CCNI2: variants seen among roughly 807,000 people sequenced by gnomAD.
CCNI2 encodes the protein cyclin-I2.
A neutral mutation model predicts 33.2 loss-of-function variants in CCNI2; 32 were observed. The ratio of observed to expected loss-of-function variants is 0.96; its 90% CI spans 0.73 to 1.30. The LOEUF (loss-of-function observed/expected upper bound fraction) is 1.30, where lower values mean the gene tolerates loss of function less well. Among genes scored for constraint, CCNI2 ranks in the 50% most tolerant of loss-of-function variants. The pLI is 0.00. For missense variants in CCNI2, 452 were observed against 486.2 expected (o/e 0.93, Z 0.66); for synonymous variants, 231 against 219.9 (o/e 1.05, Z -0.45).
At chr5:132,748,198 C>CG (rs753468537) in intron 1 of CCNI2, 149 bp from the exon 2 acceptor site, 304 of 1,163,318 alleles carry the variant, frequency 2.6e-4, no homozygotes, top group Non-Finnish European at 2.9e-4. Context: ...GCCGCTGCGC[C>CG]GGGGGGCGCT....
At chr5:132,755,601 G>A (rs987400071), downstream of CCNI2, among the ~76,000 whole-genome samples, 1 of 152,218 alleles carries the variant, frequency 6.6e-6, no homozygotes, top group African/African-American at 2.4e-5. Flanking sequence ...ATGAGGATTA[G>A]AGGAGTTAAT....
At chr5:132,751,914 A>G (rs1301305198) in intron 4 of CCNI2, 52 bp from the exon 5 acceptor site, 1 of 1,540,810 alleles carries the variant, frequency 6.5e-7, no homozygotes, top group Non-Finnish European at 8.8e-7. Flanking sequence ...GATCATTGAT[A>G]TAGGAAAAGT....
At chr5:132,748,594 C>A in intron 2 of CCNI2, 119 bp downstream of exon 2, 1 of 1,264,620 alleles carries the variant, frequency 7.9e-7, no homozygotes, top group Non-Finnish European at 1.1e-6. Flanking sequence ...TATAAACTAA[C>A]TTGCTCCGAG....
rs910100645 is a variant in CCNI2, at chr5:132,753,544, T to C, written c.*574T>C. 6.5e-6 allele frequency: 1 copy of C among 153,642 alleles called. No homozygotes were observed. The highest frequency in any genetic ancestry group is 1.9e-4 in the East Asian group (1 of 5,230). The allele number at this position is 153,642 out of a possible 1,614,324, so 9.5% of individuals were successfully genotyped here. On this transcript the variant is annotated 3_prime_UTR_variant, in exon 6 of 6. Transcript: ENST00000378731. ...CCATGGCTATGACTTATGTCTTCCCTTTACAAGGACTGGATTATAAAGTAT... is the reference window on the plus strand; with the variant it reads ...CCATGGCTATGACTTATGTCTTCCCCTTACAAGGACTGGATTATAAAGTAT...
rs1208047532 is a variant in CCNI2 at position 132,747,436 on chromosome 5, G to A, written c.-60G>A. The A allele has an allele frequency of 8.1e-6, 11 of 1,359,888 alleles. No homozygotes were observed. Among genetic ancestry groups the A allele is most frequent in the Non-Finnish European group, 9.5e-6 (10 of 1,056,802 alleles). 84.2% of individuals were successfully genotyped at this position (1,359,888 alleles called of 1,614,324 possible). ...GGCGCCCCAGGCTGCAGTGTTCCGG[G>A]AGCTGGGTTATAAAATGCCGGGTTA... On this transcript the variant is annotated 5_prime_UTR_variant, in exon 1 of 6. Transcript: ENST00000378731. The surrounding 1 kb of genome is among the most constrained non-coding windows in gnomAD (Gnocchi z 4.1).
downstream of CCNI2, among the ~76,000 whole-genome samples, chr5:132,755,530 C>T (rs1755247985): frequency 6.6e-6 from 1 of 152,180 alleles, no homozygotes; most frequent in Non-Finnish European, 1.5e-5. Context: ...TGGGTAATTA[C>T]TTAAACCTCT....
downstream of CCNI2, among the ~76,000 whole-genome samples, chr5:132,755,056 C>T (rs1370787138): frequency 6.6e-6 from 1 of 152,144 alleles, no homozygotes; most frequent in Admixed American, 6.5e-5. Flanking sequence ...CCTCCTCCCC[C>T]TGGCTTCCTG....
At chr5:132,748,258 C>T (rs1443660324) in intron 1 of CCNI2, 89 bp from the exon 2 acceptor site, 4 of 1,542,420 alleles carry the variant, frequency 2.6e-6, no homozygotes, top group Admixed American at 1.9e-5. Context: ...CCCCACCCCC[C>T]GCACCTTAAG....
At position 132,747,742 on chromosome 5, in the gene CCNI2, G is replaced by A; in HGVS notation, c.247G>A (p.Ala83Thr). ...CCCCGTGCGGCCCCGGCGCGGTACGGCGCCAGCCGGGAAAACCGCAGACGC... is the reference window on the plus strand; with the variant it reads ...CCCCGTGCGGCCCCGGCGCGGTACGACGCCAGCCGGGAAAACCGCAGACGC... ...AVPVRPRRGTAPAGKTADAVP... is the reference protein window; with the variant it reads ...AVPVRPRRGTTPAGKTADAVP... Residue 83 changes from alanine (A) to threonine (T), a missense_variant, in exon 1 of 6, where the codon GCG becomes ACG. Coordinates refer to ENST00000378731, the MANE Select transcript of CCNI2 (RefSeq NM_001039780.4). The surrounding 1 kb of genome is among the most constrained non-coding windows in gnomAD (Gnocchi z 4.1). The A allele has an allele frequency of 2.7e-6, 4 of 1,471,130 alleles. No individual in the cohort carries two copies. The highest frequency in any genetic ancestry group is 1.3e-5 in the South Asian group (1 of 76,274). The allele number at this position is 1,471,130 out of a possible 1,614,324, so 91.1% of individuals were successfully genotyped here.
intron 1 of CCNI2, 94 bp downstream of exon 1, chr5:132,748,018 G>A: frequency 1.6e-6 from 2 of 1,275,238 alleles, no homozygotes; most frequent in Non-Finnish European, 1.0e-6. Context: ...TGAAACTGGA[G>A]GCCGGGCCCT....
chr5:132,754,863 G>C (rs538173313), downstream of CCNI2, among the ~76,000 whole-genome samples: 11 of 152,194 alleles, frequency 7.2e-5, no homozygotes, highest in Non-Finnish European at 1.5e-4. Flanking sequence ...AAGGAATGAG[G>C]CTGAAGAAAA....
intron 4 of CCNI2, chr5:132,751,629 T>C (rs1171324957): frequency 8.2e-6 from 3 of 367,736 alleles, no homozygotes; most frequent in African/African-American, 2.1e-5. Context: ...TTTCGTCTTA[T>C]GATAAGCAGA....
At chr5:132,754,873 A>G (rs1203209845), downstream of CCNI2, among the ~76,000 whole-genome samples, 2 of 152,184 alleles carry the variant, frequency 1.3e-5, no homozygotes, top group African/African-American at 4.8e-5. Flanking sequence ...GCTGAAGAAA[A>G]TGGAGATGGA....
rs373676159 is a variant in CCNI2, at chr5:132,748,287, G to A, written c.430-60G>A. 3.1e-6 allele frequency: 5 copies of A among 1,595,476 alleles called. No individual in the cohort carries two copies. The African/African-American group carries it at 4.0e-5, about 13-fold the overall frequency. ...CCTTAAGCAGGAGGCTCCTGCTGCT[G>A]GGGGACCAGGAGTGGCCGCTAGCGA... On this transcript the variant is annotated intron_variant, in intron 1 of 5. Transcript: ENST00000378731.
Position 132,753,491 on chromosome 5 carries a change from G to T in CCNI2, c.*521G>T, listed in dbSNP as rs1755040829. The T allele has an allele frequency of 1.9e-5, 3 of 157,722 alleles. No individual in the cohort carries two copies. Among genetic ancestry groups the T allele is most frequent in the African/African-American group, 7.2e-5 (3 of 41,588 alleles). 9.8% of individuals were successfully genotyped at this position (157,722 alleles called of 1,614,324 possible). ...ACCCTGCCTGCCACTCCTCACATGG[G>T]ACAGTCTCTGCAGATGCATTTACCC... On this transcript the variant is annotated 3_prime_UTR_variant, in exon 6 of 6. Transcript: ENST00000378731.
In CCNI2 at chr5:132,754,111, G is replaced by T; in HGVS notation, c.*1141G>T. The T allele has an allele frequency of 2.9e-6, 1 of 344,126 alleles. No individual in the cohort carries two copies. Among genetic ancestry groups the T allele is most frequent in the Non-Finnish European group, 5.4e-6 (1 of 184,958 alleles). The allele number at this position is 344,126 out of a possible 1,614,324, so 21.3% of individuals were successfully genotyped here. A position where few individuals can be genotyped will look rare whatever the true frequency, so the allele number is the denominator to read the frequency against. ...TTAGTATACATCTGTATTTTTTCTTGACACACTTTTGCTTGTTGGTGCTTT... is the reference window on the plus strand; with the variant it reads ...TTAGTATACATCTGTATTTTTTCTTTACACACTTTTGCTTGTTGGTGCTTT... On this transcript the variant is annotated 3_prime_UTR_variant, in exon 6 of 6. Coordinates refer to ENST00000378731, the MANE Select transcript of CCNI2 (RefSeq NM_001039780.4).
In CCNI2 at chr5:132,747,568, C is replaced by T. The variant is rs544540912; in HGVS notation, c.73C>T (p.Arg25Cys). 34 of 1,495,790 alleles carry T rather than the reference C, an allele frequency of 2.3e-5. No homozygotes were observed. In the South Asian group the frequency reaches 3.9e-4, roughly 17 times the overall value. 92.7% of individuals were successfully genotyped at this position (1,495,790 alleles called of 1,614,324 possible). ...EVSAVQSPGG[R>C]PGAGLEETAL... ...CAGCGCCGTCCAGAGCCCAGGCGGG[C>T]GTCCCGGCGCCGGTCTGGAGGAAAC... Residue 25 changes from arginine to cysteine, a missense_variant, in exon 1 of 6, where the codon CGT becomes TGT. By Grantham distance (180) the Arg-to-Cys change is radical. Coordinates refer to ENST00000378731, the MANE Select transcript of CCNI2 (RefSeq NM_001039780.4). The surrounding 1 kb of genome is among the most constrained non-coding windows in gnomAD (Gnocchi z 4.1).
At chr5:132,755,409 ACTC>A (rs553817405), downstream of CCNI2, among the ~76,000 whole-genome samples, 45 of 151,866 alleles carry the variant, frequency 3.0e-4, no homozygotes, top group African/African-American at 8.9e-4. Context: ...CACTTTCACT[ACTC>A]TTCCATCATT....
chr5:132,749,242 T>G, intron 2 of CCNI2, 106 bp from the exon 3 acceptor site: 2 of 874,854 alleles, frequency 2.3e-6, no homozygotes, highest in Non-Finnish European at 1.8e-6. Context: ...GGCAACAGAG[T>G]GAGACTCCAT....
Sources: allele counts gnomAD v4.1 joint callset (sites outside exome capture counted in the v4.1 genomes callset), GRCh38; gene constraint gnomAD v4.1.1; non-coding constraint Gnocchi (gnomAD v3.1); transcripts MANE v1.5; gene names NCBI Gene and HGNC (gene_info 2026-07-23, HGNC 2026-07-21).